RAD17: variants seen among roughly 807,000 people sequenced by gnomAD.
RAD17 encodes RAD17 checkpoint clamp loader component, also known as cell cycle checkpoint protein RAD17.
In RAD17, 31 loss-of-function variants were observed where a neutral mutation model predicts 81.5. The observed-to-expected ratio is 0.38, with a 90% CI of 0.29 to 0.51. The LOEUF (loss-of-function observed/expected upper bound fraction) is 0.51. Among genes scored for constraint, RAD17 ranks in the 20% least tolerant of loss-of-function variants. The pLI, the probability that RAD17 is intolerant of heterozygous loss-of-function variation, is 0.88. For missense variants in RAD17, 681 were observed against 781.2 expected (o/e 0.87, Z 1.53); for synonymous variants, 261 against 266.2 (o/e 0.98, Z 0.19).
Position 69,396,548 on chromosome 5 carries a change from TAAAAA to T in RAD17, c.1572+15_1572+19del. ...CAGTGGTTTCTAATAAATAAAAAGG[TAAAAA>T]AAAAAAAAAAAATTCTGTACTTTCA... On this transcript the variant is annotated splice_donor_5th_base_variant and intron_variant, in intron 16 of 18. Coordinates refer to ENST00000354868, the MANE Select transcript of RAD17 (RefSeq NM_133338.3). 1 of 1,342,184 alleles carries T rather than the reference TAAAAA, an allele frequency of 7.5e-7. No homozygotes were observed. The highest frequency in any genetic ancestry group is 9.8e-7 in the Non-Finnish European group (1 of 1,017,466). The allele number at this position is 1,342,184 out of a possible 1,614,324, so 83.1% of individuals were successfully genotyped here. A position where few individuals can be genotyped will look rare whatever the true frequency, so the allele number is the denominator to read the frequency against.
chr5:69,392,126 G>C (rs1764592136), intron 13 of RAD17, 113 bp downstream of exon 13: 2 of 875,094 alleles, frequency 2.3e-6, no homozygotes, highest in Non-Finnish European at 3.3e-6. Context: ...CTAAGAGTTA[G>C]AGCTAGGTCA....
intron 18 of RAD17, 133 bp from the exon 19 acceptor site, chr5:69,413,893 GTTTTT>G: frequency 9.4e-7 from 1 of 1,064,116 alleles, no homozygotes; most frequent in Non-Finnish European, 1.4e-6. Flanking sequence ...TTGTAGTTTT[GTTTTT>G]ATAGTTAAAG....
chr5:69,373,718 AG>A (rs1287635101), intron 4 of RAD17, 111 bp from the exon 5 acceptor site: 3 of 127,946 alleles, frequency 2.3e-5, no homozygotes, highest in Non-Finnish European at 3.9e-5. Context: ...TTTTTTTTTA[AG>A]TTTTAAAGGT....
At chr5:69,408,859 C>CA (rs1765797395) in intron 17 of RAD17, among the ~76,000 whole-genome samples, 1 of 152,072 alleles carries the variant, frequency 6.6e-6, no homozygotes, top group Admixed American at 6.5e-5. Context: ...TGCTCTAGGA[C>CA]AAAAATTTCT....
intron 6 of RAD17, among the ~76,000 whole-genome samples, chr5:69,379,021 T>C (rs1763683069): frequency 6.6e-6 from 1 of 152,092 alleles, no homozygotes; most frequent in African/African-American, 2.4e-5. Context: ...GTGGGTGGAT[T>C]ACCTGATGTC....
intron 17 of RAD17, among the ~76,000 whole-genome samples, chr5:69,405,231 C>T (rs1166599924): frequency 1.3e-5 from 2 of 151,928 alleles, no homozygotes; most frequent in Non-Finnish European, 2.9e-5. Context: ...AGGCCGGGCG[C>T]AGTGGCTCAC....
chr5:69,411,520 T>A (rs1765998511), intron 18 of RAD17, among the ~76,000 whole-genome samples: 1 of 152,232 alleles, frequency 6.6e-6, no homozygotes, highest in African/African-American at 2.4e-5. Context: ...TGGTCCCAAA[T>A]GGAAAACTCC....
At position 69,381,843 on chromosome 5, in the gene RAD17, T is replaced by C. The variant is rs919080093; in HGVS notation, c.352-58T>C. 3.2e-6 allele frequency: 4 copies of C among 1,248,396 alleles called. No homozygotes were observed. In the Admixed American group the frequency reaches 8.0e-5, roughly 25 times the overall value. 77.3% of individuals were successfully genotyped at this position (1,248,396 alleles called of 1,614,324 possible). A position where few individuals can be genotyped will look rare whatever the true frequency, so the allele number is the denominator to read the frequency against. On this transcript the variant is annotated intron_variant, in intron 6 of 18. Transcript: ENST00000354868. ...TATATTTAGAATGAAAAGTCAGAAA[T>C]AATATTCTAGCATTCCAGTGATTTT...
chr5:69,409,730 A>G (rs1347152248), intron 17 of RAD17, among the ~76,000 whole-genome samples: 1 of 152,176 alleles, frequency 6.6e-6, no homozygotes, highest in Non-Finnish European at 1.5e-5. Context: ...TTTGAATTCT[A>G]CAGTGCAGTA....
rs920694172 is a variant in RAD17 at position 69,372,157 on chromosome 5, A to C, written c.-52A>C. On this transcript the variant is annotated 5_prime_UTR_variant, in exon 4 of 19. Transcript: ENST00000354868. ...TATTTTCATACTCTCAAAAATATAG[A>C]GGAAAGGGGCCAAGATTATAGTACC... The C allele has an allele frequency of 4.1e-5, 65 of 1,585,164 alleles. No homozygotes were observed. Among genetic ancestry groups the C allele is most frequent in the Non-Finnish European group, 5.1e-5 (59 of 1,163,484 alleles).
At chr5:69,369,407 G>C (rs1762746399), upstream of RAD17, 3 of 1,594,108 alleles carry the variant, frequency 1.9e-6, no homozygotes, top group Non-Finnish European at 2.6e-6. Context: ...GATGCCCAGA[G>C]CACTCTGCGC....
intron 17 of RAD17, among the ~76,000 whole-genome samples, chr5:69,401,877 G>GCCTGTAGT (rs1196744237): frequency 2.0e-5 from 3 of 151,210 alleles, no homozygotes; most frequent in Non-Finnish European, 4.4e-5. Context: ...GGTGGTGGGT[G>GCCTGTAGT]CCTGTAGTCC....
Position 69,384,845 on chromosome 5 carries a change from A to G in RAD17, c.557A>G (p.Lys186Arg). Residue 186 changes from lysine (K) to arginine (R), a missense_variant, in exon 8 of 19, where the codon AAA becomes AGA. Lys to Arg is a conservative substitution (Grantham distance 26, BLOSUM62 2). Transcript: ENST00000354868. Reference protein sequence around the residue: ...FPYQSQIAVFKEFLLRATKYN... With the variant: ...FPYQSQIAVFREFLLRATKYN... ...TATCAGTCTCAGATAGCAGTTTTCA[A>G]AGAGTTTCTACTAAGAGCGACAAAG... 1 of 1,612,836 alleles carries G rather than the reference A, an allele frequency of 6.2e-7. No homozygotes were observed. The highest frequency in any genetic ancestry group is 8.5e-7 in the Non-Finnish European group (1 of 1,178,992).
chr5:69,389,829 G>A (rs1381816317), intron 12 of RAD17, among the ~76,000 whole-genome samples: 1 of 152,034 alleles, frequency 6.6e-6, no homozygotes, highest in Admixed American at 6.6e-5. Flanking sequence ...ATAGAGATGG[G>A]GTTTCACTGT....
intron 7 of RAD17, among the ~76,000 whole-genome samples, chr5:69,383,289 C>T (rs2150804905): frequency 6.6e-6 from 1 of 152,112 alleles, no homozygotes. Context: ...AAAATCCCTT[C>T]TCTGGACTCT....
intron 12 of RAD17, among the ~76,000 whole-genome samples, chr5:69,391,413 A>AT (rs2150831103): frequency 6.6e-6 from 1 of 152,216 alleles, no homozygotes; most frequent in African/African-American, 2.4e-5. Flanking sequence ...TTTTTTTAAG[A>AT]TTTTGGAATA....
In RAD17 at chr5:69,384,819, C is replaced by G; in HGVS notation, c.531C>G (p.Pro177=). Residue 177 remains proline, a synonymous_variant, in exon 8 of 19, where the codon CCC becomes CCG. Coordinates refer to ENST00000354868, the MANE Select transcript of RAD17 (RefSeq NM_133338.3). Reference sequence around the variant, plus strand: ...CAGAATCAAGCTTCCATATGTTTCCCTATCAGTCTCAGATAGCAGTTTTCA... The same window carrying G: ...CAGAATCAAGCTTCCATATGTTTCCGTATCAGTCTCAGATAGCAGTTTTCA... The part of the protein sequence containing the change: ...FNTESSFHMF[P]YQSQIAVFKE... 1 of 1,606,622 alleles carries G rather than the reference C, an allele frequency of 6.2e-7. No individual in the cohort carries two copies. Among genetic ancestry groups the G allele is most frequent in the Non-Finnish European group, 8.5e-7 (1 of 1,177,250 alleles).
rs182758890 is a variant in RAD17 at position 69,376,089 on chromosome 5, G to A, written c.351+1378G>A. 2.1e-4 allele frequency among the ~76,000 whole-genome samples: 32 copies of A among 152,256 alleles called. No individual in the cohort carries two copies. In the East Asian group the frequency reaches 5.2e-3, roughly 25 times the overall value. ...GGTCATGTTGTATGTTGTATAGGGC[G>A]TCAAATTGGAAAGTATTTGTGGTTC... On this transcript the variant is annotated intron_variant, in intron 6 of 18. Coordinates refer to ENST00000354868, the MANE Select transcript of RAD17 (RefSeq NM_133338.3).
rs556760317 is a variant in RAD17 at position 69,414,380 on chromosome 5, A to G, written c.*88A>G. ...TCAGCAGAGTTAATATGCTTTTCTG[A>G]TGAATTACACAACAGTTTGTTAATT... On this transcript the variant is annotated 3_prime_UTR_variant, in exon 19 of 19. Transcript: ENST00000354868. 31 of 1,370,020 alleles carry G rather than the reference A, an allele frequency of 2.3e-5. No homozygotes were observed. In the East Asian group the frequency reaches 6.9e-4, roughly 31 times the overall value. The allele number at this position is 1,370,020 out of a possible 1,614,324, so 84.9% of individuals were successfully genotyped here.
Sources: allele counts gnomAD v4.1 joint callset (sites outside exome capture counted in the v4.1 genomes callset), GRCh38; gene constraint gnomAD v4.1.1; transcripts MANE v1.5; gene names NCBI Gene and HGNC (gene_info 2026-07-23, HGNC 2026-07-21).